The following HRK variants were observed in gnomAD, a reference collection of about 807,000 sequenced individuals.
HRK encodes harakiri, BCL2 interacting protein, also known as activator of apoptosis harakiri.
A neutral mutation model predicts 5.9 loss-of-function variants in HRK; 6 were observed. The ratio of observed to expected loss-of-function variants is 1.02; its 90% CI spans 0.56 to 2.01. The LOEUF is 2.01. HRK is among the 30% of genes most tolerant of loss of function. HRK has a pLI of 0.00. For synonymous variants in HRK, 85 were observed against 65.1 expected (o/e 1.31, Z -1.47); for missense variants, 133 against 128.3 (o/e 1.04, Z -0.18).
At chr12:116,871,092 T>TTTTTGTTTTG (rs57267390) in intron 1 of HRK, among the ~76,000 whole-genome samples, 3,845 of 148,438 alleles carry the variant, frequency 0.026, 190 homozygotes, top group African/African-American at 0.09. Flanking sequence ...CTAATTTTTG[T>TTTTTGTTTTG]TTTTGTTTTG....
At position 116,879,939 on chromosome 12, in the gene HRK, T is replaced by A. The variant is rs1380147197; in HGVS notation, c.*56+1037A>T. Among the ~76,000 whole-genome samples the A allele has an allele frequency of 6.6e-6, 1 of 152,120 alleles. No individual in the cohort carries two copies. The highest frequency in any genetic ancestry group is 2.1e-4 in the South Asian group (1 of 4,820). On this transcript the variant is annotated intron_variant, in intron 1 of 1. Transcript: ENST00000257572. This position sits in a 1 kb window ranked among gnomAD's most constrained non-coding sequence, Gnocchi z 5.6. ...CTATGGTGGGCTCAGCCTGATTCTC[T>A]CTCCCTCATTCTCTGCAGCGCTCCT...
intron 1 of HRK, among the ~76,000 whole-genome samples, chr12:116,861,780 G>C (rs990820149): frequency 6.6e-6 from 1 of 152,196 alleles, no homozygotes; most frequent in South Asian, 2.1e-4. Context: ...TTAAAAAGAA[G>C]AATCTAGAGA....
Position 116,878,198 on chromosome 12 carries a change from G to T in HRK, c.*56+2778C>A, listed in dbSNP as rs1593011604. Among the ~76,000 whole-genome samples, 1 of 152,218 alleles carries T rather than the reference G, an allele frequency of 6.6e-6. No homozygotes were observed. The highest frequency in any genetic ancestry group is 1.9e-4 in the East Asian group (1 of 5,190). On this transcript the variant is annotated intron_variant, in intron 1 of 1. Coordinates refer to ENST00000257572, the MANE Select transcript of HRK (RefSeq NM_003806.4). The surrounding 1 kb of genome is among the most constrained non-coding windows in gnomAD (Gnocchi z 4.4). The stretch of plus-strand genomic sequence containing the variant: ...CCCAAAGTGCTGGAATTACAGGCGT[G>T]AGCCAACCTGCCTGGCCTGTATGTT...
At chr12:116,877,033 GAAGTT>G (rs1878959102) in intron 1 of HRK, among the ~76,000 whole-genome samples, 1 of 152,196 alleles carries the variant, frequency 6.6e-6, no homozygotes, top group African/African-American at 2.4e-5. Context: ...TCTGTTGAGT[GAAGTT>G]AAGAGACAGA....
intron 1 of HRK, among the ~76,000 whole-genome samples, chr12:116,877,433 A>G (rs1265893913): frequency 1.3e-5 from 2 of 152,146 alleles, no homozygotes; most frequent in Non-Finnish European, 2.9e-5. Flanking sequence ...GTTTACAGAT[A>G]AAGGTGCAGA....
Position 116,881,436 on chromosome 12 carries a change from T to A in HRK, c.-129A>T, listed in dbSNP as rs2137258086. On this transcript the variant is annotated 5_prime_UTR_variant, in exon 1 of 2. Transcript: ENST00000257572. ...CCTGGACACCAAGTTTCTCCTTGTG[T>A]TGTGCGTTTGTTGTGCTGACGGCGC... 2 of 815,094 alleles carry A rather than the reference T, an allele frequency of 2.5e-6. No individual in the cohort carries two copies. The highest frequency in any genetic ancestry group is 1.5e-6 in the Non-Finnish European group (1 of 670,546). 50.5% of individuals were successfully genotyped at this position (815,094 alleles called of 1,614,324 possible). A position where few individuals can be genotyped will look rare whatever the true frequency, so the allele number is the denominator to read the frequency against.
chr12:116,868,171 G>T (rs991588513), intron 1 of HRK, among the ~76,000 whole-genome samples: 1 of 151,412 alleles, frequency 6.6e-6, no homozygotes, highest in Non-Finnish European at 1.5e-5. Context: ...GCCCAGGCTG[G>T]TCTCGAACTG....
intron 1 of HRK, among the ~76,000 whole-genome samples, chr12:116,877,720 A>G (rs1878987487): frequency 6.6e-6 from 1 of 152,226 alleles, no homozygotes; most frequent in Non-Finnish European, 1.5e-5. Context: ...TAACGTGCCT[A>G]TGCACTAAGT....
intron 1 of HRK, among the ~76,000 whole-genome samples, chr12:116,866,156 T>TAAAAA (rs1878539523): frequency 1.4e-4 from 1 of 6,978 alleles, no homozygotes. Flanking sequence ...AGATTCCATC[T>TAAAAA]CAAAAAAAAA....
chr12:116,861,836 G>A (rs1464133898), intron 1 of HRK, among the ~76,000 whole-genome samples: 2 of 152,156 alleles, frequency 1.3e-5, no homozygotes, highest in Non-Finnish European at 2.9e-5. Context: ...GACCTTCCTC[G>A]ATTCATTTCA....
In HRK at chr12:116,862,579, G is replaced by A. The variant is rs1185863053; in HGVS notation, c.*57-1113C>T. Among the ~76,000 whole-genome samples the A allele has an allele frequency of 6.6e-6, 1 of 152,194 alleles. No individual in the cohort carries two copies. Among genetic ancestry groups the A allele is most frequent in the East Asian group, 1.9e-4 (1 of 5,206 alleles). ...GCCGGGGCGGATAGGAGGAATTGGG[G>A]AGTGATACTCATGCGCATGGGGTTT... is the stretch of plus-strand genomic sequence containing the variant. On this transcript the variant is annotated intron_variant, in intron 1 of 1. Transcript: ENST00000257572. The surrounding 1 kb of genome is among the most constrained non-coding windows in gnomAD (Gnocchi z 4.0).
At position 116,859,569 on chromosome 12, in the gene HRK, A is replaced by G. The variant is rs1409296836; in HGVS notation, c.*1954T>C. The G allele has an allele frequency of 6.6e-6, 1 of 152,148 alleles. No homozygotes were observed. Among genetic ancestry groups the G allele is most frequent in the Non-Finnish European group, 1.5e-5 (1 of 68,028 alleles). 9.4% of individuals were successfully genotyped at this position (152,148 alleles called of 1,614,324 possible). The stretch of plus-strand genomic sequence containing the variant: ...CCCCAGCTAAGCGAGGGTCCCCTGC[A>G]AACATCAGCTAGGGGGAGGGCACGA... On this transcript the variant is annotated 3_prime_UTR_variant, in exon 2 of 2. Coordinates refer to ENST00000257572, the MANE Select transcript of HRK (RefSeq NM_003806.4).
rs1278152724 is a variant in HRK at position 116,857,610 on chromosome 12, A to G, written c.*3913T>C. ...CTCCTCTAATGCCCCAGGGAGGGAG[A>G]GTGATATTTTATCACTGTCAGAAAC... On this transcript the variant is annotated 3_prime_UTR_variant, in exon 2 of 2. Transcript: ENST00000257572. 6.6e-6 allele frequency: 1 copy of G among 152,184 alleles called. No homozygotes were observed. Among genetic ancestry groups the G allele is most frequent in the Non-Finnish European group, 1.5e-5 (1 of 68,042 alleles). 9.4% of individuals were successfully genotyped at this position (152,184 alleles called of 1,614,324 possible).
rs1878145752 is a variant in HRK, at chr12:116,856,346, C to T, written c.*5177G>A. 6.6e-6 allele frequency: 1 copy of T among 152,230 alleles called. No homozygotes were observed. Among genetic ancestry groups the T allele is most frequent in the South Asian group, 2.1e-4 (1 of 4,828 alleles). The allele number at this position is 152,230 out of a possible 1,614,324, so 9.4% of individuals were successfully genotyped here. A position where few individuals can be genotyped will look rare whatever the true frequency, so the allele number is the denominator to read the frequency against. On this transcript the variant is annotated 3_prime_UTR_variant, in exon 2 of 2. Transcript: ENST00000257572. The surrounding 1 kb of genome is among the most constrained non-coding windows in gnomAD (Gnocchi z 4.4). Reference sequence around the variant, plus strand: ...GTTCTCCAGATACCCTCCCAGCCGCCCCTGCCACGCACACGGGCTCCTTGG... The same window carrying T: ...GTTCTCCAGATACCCTCCCAGCCGCTCCTGCCACGCACACGGGCTCCTTGG...
In HRK at chr12:116,858,122, A is replaced by AAAAAC. The variant is rs1878217184; in HGVS notation, c.*3400_*3401insGTTTT. 1 of 150,632 alleles carries AAAAAC rather than the reference A, an allele frequency of 6.6e-6. No homozygotes were observed. The highest frequency in any genetic ancestry group is 1.5e-5 in the Non-Finnish European group (1 of 67,696). The allele number at this position is 150,632 out of a possible 1,614,324, so 9.3% of individuals were successfully genotyped here. On this transcript the variant is annotated 3_prime_UTR_variant, in exon 2 of 2. Transcript: ENST00000257572. ...AGTATCCAAATGAAGGCGGCTAAAA[A>AAAAAC]AAAAAAAAAAAAACGAACAAAAAAA...
At chr12:116,876,090 C>A (rs189817180) in intron 1 of HRK, among the ~76,000 whole-genome samples, 225 of 152,198 alleles carry the variant, frequency 1.5e-3, no homozygotes, top group African/African-American at 5.3e-3. Flanking sequence ...TCCAGCCAGC[C>A]CACATCTGGG....
intron 1 of HRK, among the ~76,000 whole-genome samples, chr12:116,875,503 TG>T (rs1385596393): frequency 1.3e-5 from 2 of 152,158 alleles, no homozygotes; most frequent in Non-Finnish European, 2.9e-5. Flanking sequence ...AACCTGAATT[TG>T]GGAAACAATA....
intron 1 of HRK, among the ~76,000 whole-genome samples, chr12:116,871,753 G>T (rs903686611): frequency 1.3e-4 from 20 of 150,352 alleles, no homozygotes; most frequent in African/African-American, 4.9e-4. Flanking sequence ...TCAGCCTCCC[G>T]AGTAGCAGGA....
rs1432621841 is a variant in HRK at position 116,859,493 on chromosome 12, C to T, written c.*2030G>A. On this transcript the variant is annotated 3_prime_UTR_variant, in exon 2 of 2. Coordinates refer to ENST00000257572, the MANE Select transcript of HRK (RefSeq NM_003806.4). The stretch of plus-strand genomic sequence containing the variant: ...TTTCATATTATTCTAATGAATTTGC[C>T]TTCTCTAAGTTCGTAGCTTTGTGGG... 1 of 152,142 alleles carries T rather than the reference C, an allele frequency of 6.6e-6. No homozygotes were observed. The highest frequency in any genetic ancestry group is 2.4e-5 in the African/African-American group (1 of 41,422). 9.4% of individuals were successfully genotyped at this position (152,142 alleles called of 1,614,324 possible).
Sources: gnomAD v4.1 joint callset for allele counts (sites outside exome capture counted in the v4.1 genomes callset) on GRCh38, gnomAD v4.1.1 for gene constraint, Gnocchi (gnomAD v3.1) non-coding constraint, MANE v1.5 for transcripts, NCBI Gene and HGNC (gene_info 2026-07-23, HGNC 2026-07-21) for gene names.